The following SMARCA1 variants were observed in gnomAD, a reference collection of about 807,000 sequenced individuals.
SMARCA1 encodes SNF2 related chromatin remodeling ATPase 1.
SMARCA1 carries 17 observed loss-of-function variants against 93.6 expected under a neutral mutation model. The ratio of observed to expected loss-of-function variants is 0.18; its 90% CI spans 0.12 to 0.27. The LOEUF (loss-of-function observed/expected upper bound fraction) is 0.27. SMARCA1 is among the 10% of genes least tolerant of loss of function. SMARCA1 has a pLI of 1.00. For synonymous variants in SMARCA1, 271 were observed against 271.4 expected, an observed-to-expected ratio of 1.00 and a Z score of 0.01; for missense variants, 630 against 819.0, an observed-to-expected ratio of 0.77 and a Z score of 2.82.
At chrX:129,471,787 G>A (rs1486048575) in intron 19 of SMARCA1, among the ~76,000 whole-genome samples, 1 of 111,949 alleles carries the variant, frequency 8.9e-6, no homozygotes, top group East Asian at 2.8e-4. Context: ...GGTATGTAAG[G>A]GGAGAGAGCA....
At chrX:129,450,305 C>T (rs1932226527) in intron 23 of SMARCA1, among the ~76,000 whole-genome samples, 1 of 111,818 alleles carries the variant, frequency 8.9e-6, no homozygotes, top group South Asian at 3.8e-4. Context: ...CAGAAGGTGG[C>T]CATCTGCAAG....
intron 20 of SMARCA1, among the ~76,000 whole-genome samples, chrX:129,470,094 AT>A (rs1359192732): frequency 9.0e-6 from 1 of 111,725 alleles, no homozygotes; most frequent in Non-Finnish European, 1.9e-5. Context: ...ATATACAAAT[AT>A]AAAAACTATC....
intron 7 of SMARCA1, 82 bp downstream of exon 7, chrX:129,507,859 A>AT: frequency 1.5e-6 from 1 of 658,933 alleles, no homozygotes; most frequent in South Asian, 3.7e-5. Flanking sequence ...CTGTTCCATC[A>AT]TTTTTTATTC....
Position 129,508,068 on chromosome X carries a change from G to A in SMARCA1, c.839C>T (p.Pro280Leu). Residue 280 changes from proline (P) to leucine (L), a missense_variant, in exon 7 of 25, where the codon CCA becomes CTA. Coordinates refer to ENST00000371121, the MANE Select transcript of SMARCA1 (RefSeq NM_001282874.2). ...AGTAACGCAAACATCCCACTCTCCT[G>A]GCATCATTTCATCACGAATAAAAGC... Reference protein sequence around the residue: ...RAAFIRDEMMPGEWDVCVTSY... With the variant: ...RAAFIRDEMMLGEWDVCVTSY... 1.7e-6 allele frequency: 2 copies of A among 1,173,722 alleles called. No homozygotes were observed. Among genetic ancestry groups the A allele is most frequent in the South Asian group, 2.0e-5 (1 of 50,838 alleles).
At chrX:129,503,782 T>C (rs1350352524) in intron 9 of SMARCA1, among the ~76,000 whole-genome samples, 2 of 107,967 alleles carry the variant, frequency 1.9e-5, no homozygotes, top group Non-Finnish European at 3.8e-5. Flanking sequence ...GCCAACATGG[T>C]GAAAACCCGT....
At chrX:129,506,757 C>G (rs1035623142) in intron 7 of SMARCA1, among the ~76,000 whole-genome samples, 4 of 108,527 alleles carry the variant, frequency 3.7e-5, no homozygotes, top group South Asian at 4.1e-4. Flanking sequence ...GACCCTCCCC[C>G]CAACTTCAAA....
intron 12 of SMARCA1, among the ~76,000 whole-genome samples, chrX:129,495,708 C>T (rs751885745): frequency 3.7e-5 from 4 of 109,343 alleles, no homozygotes. Context: ...TATCAATTAG[C>T]CTAAGATAGA....
At chrX:129,505,413 G>A (rs1274262751) in intron 8 of SMARCA1, among the ~76,000 whole-genome samples, 2 of 110,768 alleles carry the variant, frequency 1.8e-5, no homozygotes, top group East Asian at 5.6e-4. Flanking sequence ...TGGGGAGGCT[G>A]AGGAAGGAGA....
intron 16 of SMARCA1, among the ~76,000 whole-genome samples, chrX:129,488,334 C>T (rs1193121252): frequency 9.6e-6 from 1 of 104,133 alleles, no homozygotes; most frequent in African/African-American, 3.5e-5. Flanking sequence ...CCTGGTCAGG[C>T]ATGGTGGCTC....
At chrX:129,501,341 G>C (rs1185361459) in intron 9 of SMARCA1, among the ~76,000 whole-genome samples, 2 of 109,537 alleles carry the variant, frequency 1.8e-5, no homozygotes, top group Non-Finnish European at 3.8e-5. Flanking sequence ...TGTCACCCAG[G>C]CTGGAATGCA....
intron 8 of SMARCA1, among the ~76,000 whole-genome samples, 170 bp from the exon 9 acceptor site, chrX:129,504,972 C>T (rs1038355106): frequency 8.9e-6 from 1 of 111,883 alleles, no homozygotes; most frequent in African/African-American, 3.2e-5. Flanking sequence ...AGGTAAAATA[C>T]TGGAGCAGTT....
At chrX:129,475,030 A>C (rs1451850567) in intron 19 of SMARCA1, among the ~76,000 whole-genome samples, 1 of 110,827 alleles carries the variant, frequency 9.0e-6, no homozygotes, top group Non-Finnish European at 1.9e-5. Flanking sequence ...GAGTCAATTA[A>C]ATCTCTTTTC....
intron 16 of SMARCA1, 92 bp from the exon 17 acceptor site, chrX:129,487,229 C>G: frequency 4.9e-6 from 3 of 615,002 alleles, no homozygotes; most frequent in Non-Finnish European, 7.4e-6. Flanking sequence ...CAGGTTTTGA[C>G]ATGAAATATC....
rs187366105 is a variant in SMARCA1 at position 129,495,833 on chromosome X, C to T, written c.1626+917G>A. ...CACCCAGGCTGGAGCGGTGCAATGC[C>T]ATGATCTTGGCTCAATGCAACCTCC... On this transcript the variant is annotated intron_variant, in intron 12 of 24. Coordinates refer to ENST00000371121, the MANE Select transcript of SMARCA1 (RefSeq NM_001282874.2). Among the ~76,000 whole-genome samples, 210 of 105,232 alleles carry T rather than the reference C, an allele frequency of 2.0e-3. 2 individuals are homozygous for T. The highest frequency in any genetic ancestry group is 2.2e-3 in the Non-Finnish European group (111 of 51,357). The allele number at this position is 105,232 out of a possible 115,157, so 91.4% of individuals were successfully genotyped here. A position where few individuals can be genotyped will look rare whatever the true frequency, so the allele number is the denominator to read the frequency against.
rs142845967 is a variant in SMARCA1, at chrX:129,467,892, T to C, written c.2698+881A>G. On this transcript the variant is annotated intron_variant, in intron 21 of 24. Transcript: ENST00000371121. ...TAAACCTACTTTGCCATTGTTTCAATGACAAAAAATGCTCTAGATTCTAAA... is the reference window on the plus strand; with the variant it reads ...TAAACCTACTTTGCCATTGTTTCAACGACAAAAAATGCTCTAGATTCTAAA... Among the ~76,000 whole-genome samples the C allele has an allele frequency of 4.7e-3, 530 of 112,254 alleles. 1 individual carries two copies. Among genetic ancestry groups the C allele is most frequent in the Middle Eastern group, 9.2e-3 (2 of 217 alleles).
At chrX:129,520,138 CGTGTGT>C (rs374631579) in intron 1 of SMARCA1, among the ~76,000 whole-genome samples, 2,193 of 96,706 alleles carry the variant, frequency 0.023, 30 homozygotes, top group African/African-American at 0.053. Flanking sequence ...AACCTTCTCT[CGTGTGT>C]GTGTGTGTGT....
intron 23 of SMARCA1, among the ~76,000 whole-genome samples, chrX:129,454,857 C>G (rs904234193): frequency 7.2e-5 from 8 of 111,691 alleles, no homozygotes; most frequent in African/African-American, 2.6e-4. Context: ...TGAAAAAGAG[C>G]TCATCATCAC....
At chrX:129,450,487 G>A (rs1851999058) in intron 23 of SMARCA1, among the ~76,000 whole-genome samples, 1 of 111,932 alleles carries the variant, frequency 8.9e-6, no homozygotes, top group African/African-American at 3.3e-5. Flanking sequence ...AAGCAAATTT[G>A]ACATTTCAAC....
intron 9 of SMARCA1, among the ~76,000 whole-genome samples, chrX:129,503,954 G>A (rs1308908606): frequency 3.3e-5 from 3 of 92,162 alleles, no homozygotes; most frequent in South Asian, 5.5e-4. Context: ...TATAGAGCGA[G>A]ACTCTCTCTC....
Sources: gnomAD v4.1 joint callset for allele counts (sites outside exome capture counted in the v4.1 genomes callset) on GRCh38, gnomAD v4.1.1 for gene constraint, MANE v1.5 for transcripts, NCBI Gene and HGNC (gene_info 2026-07-23, HGNC 2026-07-21) for gene names.